Variants in SORCS3 observed in about 807,000 individuals in gnomAD.
The protein encoded by SORCS3 is sortilin related VPS10 domain containing receptor 3, also known as VPS10 domain-containing receptor SorCS3.
In SORCS3, 57 loss-of-function variants were observed where a neutral mutation model predicts 146.3. The ratio of observed to expected loss-of-function variants is 0.39; its 90% CI spans 0.31 to 0.49. The LOEUF is 0.49. SORCS3 is among the 20% of genes least tolerant of loss of function. The pLI is 0.92. For missense variants in SORCS3, 1,341 were observed against 1,575.5 expected, an observed-to-expected ratio of 0.85 and a Z score of 2.52; for synonymous variants, 653 against 618.5, an observed-to-expected ratio of 1.06 and a Z score of -0.83.
At chr10:105,220,415 C>T (rs1214729851) in intron 19 of SORCS3, among the ~76,000 whole-genome samples, 1 of 152,126 alleles carries the variant, frequency 6.6e-6, no homozygotes, top group Non-Finnish European at 1.5e-5. Flanking sequence ...ATCAGAGGAT[C>T]TGACACTGTC....
rs1270472845 is a variant in SORCS3 at position 104,707,437 on chromosome 10, T to C, written c.627+65483T>C. Among the ~76,000 whole-genome samples the C allele has an allele frequency of 2.6e-5, 4 of 152,138 alleles. No individual in the cohort carries two copies. The South Asian group carries it at 6.2e-4, about 24-fold the overall frequency. On this transcript the variant is annotated intron_variant, in intron 1 of 26. Transcript: ENST00000369701. The stretch of plus-strand genomic sequence containing the variant: ...CTATGGGGGCACTTTTTGGTAGTAA[T>C]TGAGATCTAAAGACCCTCACTGAAC...
At chr10:105,241,222 C>G (rs1271892718) in intron 20 of SORCS3, among the ~76,000 whole-genome samples, 1 of 152,168 alleles carries the variant, frequency 6.6e-6, no homozygotes, top group Non-Finnish European at 1.5e-5. Context: ...GTGGTGTTCC[C>G]TCTACCTGGC....
intron 4 of SORCS3, among the ~76,000 whole-genome samples, chr10:105,042,160 T>G (rs1450605291): frequency 1.3e-5 from 2 of 152,108 alleles, no homozygotes; most frequent in Non-Finnish European, 2.9e-5. Context: ...TCTAGCAGGG[T>G]AGAGACATGC....
At chr10:105,080,617 C>T (rs2055617567) in intron 5 of SORCS3, among the ~76,000 whole-genome samples, 1 of 152,040 alleles carries the variant, frequency 6.6e-6, no homozygotes, top group Non-Finnish European at 1.5e-5. Flanking sequence ...CTTCCAGTTC[C>T]TATGTCCAGA....
chr10:104,942,594 C>A (rs1036356505), intron 3 of SORCS3, among the ~76,000 whole-genome samples: 3 of 152,188 alleles, frequency 2.0e-5, no homozygotes, highest in South Asian at 4.1e-4. Flanking sequence ...TAACATATTA[C>A]AACCAAATTG....
chr10:105,054,156 A>G (rs935768104), intron 5 of SORCS3, among the ~76,000 whole-genome samples: 2 of 151,932 alleles, frequency 1.3e-5, no homozygotes, highest in African/African-American at 2.4e-5. Flanking sequence ...TTTCTTCTTC[A>G]TTATGGGTTC....
intron 1 of SORCS3, among the ~76,000 whole-genome samples, chr10:104,813,563 C>T (rs2133520452): frequency 6.6e-6 from 1 of 152,194 alleles, no homozygotes; most frequent in Admixed American, 6.5e-5. Context: ...AACTCATTTC[C>T]AGTGTGCTGG....
chr10:105,022,705 G>A (rs1262591084), intron 4 of SORCS3, among the ~76,000 whole-genome samples: 2 of 152,184 alleles, frequency 1.3e-5, no homozygotes, highest in Non-Finnish European at 2.9e-5. Flanking sequence ...CACACTGGGA[G>A]TGTGGGGAAA....
intron 3 of SORCS3, among the ~76,000 whole-genome samples, chr10:104,967,109 G>A (rs1385459726): frequency 2.0e-5 from 3 of 152,048 alleles, no homozygotes; most frequent in Non-Finnish European, 4.4e-5. Context: ...TAAGGCAGTG[G>A]CATGTTTAGT....
intron 5 of SORCS3, among the ~76,000 whole-genome samples, chr10:105,043,342 A>G (rs1016910426): frequency 6.6e-6 from 1 of 152,014 alleles, no homozygotes; most frequent in African/African-American, 2.4e-5. Flanking sequence ...CGAAACTGGG[A>G]TTTGCATTTA....
chr10:104,709,226 T>G (rs1359197413), intron 1 of SORCS3, among the ~76,000 whole-genome samples: 1 of 151,944 alleles, frequency 6.6e-6, no homozygotes, highest in Non-Finnish European at 1.5e-5. Context: ...GAGATTTGGG[T>G]TGGGTGTTTG....
chr10:104,915,651 A>T (rs1435224518), intron 2 of SORCS3, among the ~76,000 whole-genome samples, 182 bp from the exon 3 acceptor site: 2 of 152,212 alleles, frequency 1.3e-5, no homozygotes, highest in African/African-American at 4.8e-5. Context: ...ACGCTTAGGT[A>T]GTAAGCAGGT....
intron 2 of SORCS3, among the ~76,000 whole-genome samples, chr10:104,863,144 C>T (rs1350720041): frequency 6.6e-6 from 1 of 152,168 alleles, no homozygotes; most frequent in Non-Finnish European, 1.5e-5. Context: ...GGATGATAAA[C>T]ACAAATGGGC....
At chr10:104,856,057 G>A (rs943702341) in intron 2 of SORCS3, among the ~76,000 whole-genome samples, 2 of 152,082 alleles carry the variant, frequency 1.3e-5, no homozygotes, top group African/African-American at 4.8e-5. Context: ...AATGTTTATT[G>A]TGAACTCAGC....
chr10:104,914,810 G>A (rs957314959), intron 2 of SORCS3, among the ~76,000 whole-genome samples: 1 of 152,222 alleles, frequency 6.6e-6, no homozygotes, highest in African/African-American at 2.4e-5. Context: ...CAGAGCCAGA[G>A]TTGGGAACTG....
At chr10:105,062,576 T>G (rs2055495135) in intron 5 of SORCS3, among the ~76,000 whole-genome samples, 2 of 152,148 alleles carry the variant, frequency 1.3e-5, no homozygotes, top group African/African-American at 4.8e-5. Flanking sequence ...TGTTGAGTAT[T>G]TCAGCGGTTG....
At chr10:105,159,779 C>G (rs1162648150) in intron 11 of SORCS3, among the ~76,000 whole-genome samples, 1 of 152,176 alleles carries the variant, frequency 6.6e-6, no homozygotes, top group African/African-American at 2.4e-5. Context: ...ACCCAAAGCT[C>G]TGGTCCCTGG....
chr10:104,776,196 G>A (rs117154275), intron 1 of SORCS3, among the ~76,000 whole-genome samples: 242 of 152,304 alleles, frequency 1.6e-3, no homozygotes, highest in Non-Finnish European at 2.7e-3. Flanking sequence ...GTGGTTGTAT[G>A]AAGATATCTA....
chr10:105,004,594 C>T (rs1213224690), intron 4 of SORCS3, among the ~76,000 whole-genome samples: 1 of 152,056 alleles, frequency 6.6e-6, no homozygotes, highest in Non-Finnish European at 1.5e-5. Context: ...CTACCAGATC[C>T]CTGCTGTTTG....
Sources: gnomAD v4.1 joint callset for allele counts (sites outside exome capture counted in the v4.1 genomes callset) on GRCh38, gnomAD v4.1.1 for gene constraint, MANE v1.5 for transcripts, NCBI Gene and HGNC (gene_info 2026-07-23, HGNC 2026-07-21) for gene names.